The following PAQR3 variants were observed in gnomAD, a reference collection of about 807,000 sequenced individuals.
PAQR3 encodes the protein Raf kinase trapping to Golgi.
PAQR3 carries 39 observed loss-of-function variants against 41.7 expected under a neutral mutation model. That is an observed-to-expected ratio of 0.93 (90% CI 0.72 to 1.22). PAQR3 has a LOEUF of 1.22. PAQR3 is among the 50% of genes most tolerant of loss of function. The pLI, the probability that PAQR3 is intolerant of heterozygous loss-of-function variation, is 0.00. For synonymous variants in PAQR3, 140 were observed against 140.6 expected, an observed-to-expected ratio of 1.00 and a Z score of 0.03; for missense variants, 366 against 385.6, an observed-to-expected ratio of 0.95 and a Z score of 0.42.
In PAQR3 at chr4:78,911,891, C is replaced by T; in HGVS notation, c.*8648G>A. On this transcript the variant is annotated 3_prime_UTR_variant, in exon 6 of 6. Transcript: ENST00000512733. ...TCACTACATGGGTCATTCCATAGTG[C>T]AGATGTATTGAAAATGGATGATTTT... 1 of 1,613,964 alleles carries T rather than the reference C, an allele frequency of 6.2e-7. No individual in the cohort carries two copies. The highest frequency in any genetic ancestry group is 8.5e-7 in the Non-Finnish European group (1 of 1,179,884).
chr4:78,906,364 G>A (rs917195699), intron 10 of PAQR3, among the ~76,000 whole-genome samples: 3 of 151,706 alleles, frequency 2.0e-5, no homozygotes, highest in African/African-American at 7.3e-5. Flanking sequence ...TTATGTAGGG[G>A]GGCAAAATAA....
Position 78,919,978 on chromosome 4 carries a change from TAGGG to T in PAQR3, c.*557_*560del, listed in dbSNP as rs1735496796. 1 of 985,120 alleles carries T rather than the reference TAGGG, an allele frequency of 1.0e-6. No individual in the cohort carries two copies. Among genetic ancestry groups the T allele is most frequent in the Non-Finnish European group, 1.2e-6 (1 of 829,512 alleles). The allele number at this position is 985,120 out of a possible 1,614,324, so 61.0% of individuals were successfully genotyped here. ...GGAAAACTAAAATATCTAATGTTCT[TAGGG>T]AGAGAAGAACCTATAGCTAAAGGAT... On this transcript the variant is annotated 3_prime_UTR_variant, in exon 6 of 6. Transcript: ENST00000512733.
At position 78,922,115 on chromosome 4, in the gene PAQR3, TA is replaced by T. The variant is rs573957138; in HGVS notation, c.794-1435del. 136 of 1,036,382 alleles carry T rather than the reference TA, an allele frequency of 1.3e-4. 1 individual carries two copies. The South Asian group carries it at 2.6e-3, about 20-fold the overall frequency. The allele number at this position is 1,036,382 out of a possible 1,614,324, so 64.2% of individuals were successfully genotyped here. On this transcript the variant is annotated intron_variant, in intron 5 of 5. Transcript: ENST00000512733. ...ACAGAATTTTAAAAAGAATTATTAA[TA>T]AAGTGATACAAAAATATATTTTACC...
intron 3 of PAQR3, among the ~76,000 whole-genome samples, chr4:78,929,464 G>T (rs149163943): frequency 6.6e-6 from 1 of 152,196 alleles, no homozygotes; most frequent in South Asian, 2.1e-4. Context: ...GTTCTACTCC[G>T]TAAGGTTTGG....
chr4:78,916,889 C>G lies in PAQR3; in HGVS notation c.*3650G>C, dbSNP rs1025248141. On this transcript the variant is annotated 3_prime_UTR_variant, in exon 6 of 6. Coordinates refer to ENST00000512733, the MANE Select transcript of PAQR3 (RefSeq NM_001040202.2). ...CATCAAGGTTATAATATGTATTATT[C>G]CAAAAACTGGAGTCTTTGGTAGCCT... The G allele has an allele frequency of 6.6e-6, 1 of 150,578 alleles. No homozygotes were observed. The highest frequency in any genetic ancestry group is 1.5e-5 in the Non-Finnish European group (1 of 67,628). The allele number at this position is 150,578 out of a possible 1,614,324, so 9.3% of individuals were successfully genotyped here. A position where few individuals can be genotyped will look rare whatever the true frequency, so the allele number is the denominator to read the frequency against.
chr4:78,911,384 A>C, downstream of PAQR3: 1 of 1,614,006 alleles, frequency 6.2e-7, no homozygotes, highest in Non-Finnish European at 8.5e-7. Context: ...TCAACAAGTA[A>C]AAGTGAAAGC....
At chr4:78,931,185 TAAAAAAAA>T (rs1553925635) in intron 2 of PAQR3, among the ~76,000 whole-genome samples, 8 of 115,040 alleles carry the variant, frequency 7.0e-5, no homozygotes, top group Admixed American at 3.7e-4. Context: ...CCTCATTTCT[TAAAAAAAA>T]AAAAAAAAAA....
chr4:78,922,486 C>T, intron 5 of PAQR3: 1 of 1,212,764 alleles, frequency 8.2e-7, no homozygotes, highest in Non-Finnish European at 1.1e-6. Context: ...TGACTCATAG[C>T]TCTCCAAACT....
At chr4:78,933,490 A>G (rs1255746362) in intron 2 of PAQR3, among the ~76,000 whole-genome samples, 2 of 152,196 alleles carry the variant, frequency 1.3e-5, no homozygotes, top group Non-Finnish European at 2.9e-5. Context: ...ATTAATAAAT[A>G]TATCTATGGT....
At chr4:78,921,906 T>C (rs897186968) in intron 5 of PAQR3, 1 of 985,062 alleles carries the variant, frequency 1.0e-6, no homozygotes, top group Non-Finnish European at 1.2e-6. Flanking sequence ...ATAGGGCACA[T>C]TTTATGTCAA....
chr4:78,910,731 A>C (rs1049562145), downstream of PAQR3: 1 of 1,613,750 alleles, frequency 6.2e-7, no homozygotes, highest in Non-Finnish European at 8.5e-7. Context: ...AGAAAACCTC[A>C]GTACAGGGTC....
At chr4:78,909,055 CTTTTTT>C (rs1053664659), downstream of PAQR3, among the ~76,000 whole-genome samples, 4 of 94,394 alleles carry the variant, frequency 4.2e-5, no homozygotes, top group African/African-American at 1.8e-4. Context: ...TTCCCTTAGT[CTTTTTT>C]TTTTTTTTTT....
intron 11 of PAQR3, among the ~76,000 whole-genome samples, chr4:78,888,883 A>G (rs1338279725): frequency 6.6e-6 from 1 of 152,192 alleles, no homozygotes; most frequent in Non-Finnish European, 1.5e-5. Flanking sequence ...GACTATCTAT[A>G]AAAATTCATA....
chr4:78,934,316 T>C (rs1391538003), intron 2 of PAQR3, among the ~76,000 whole-genome samples: 1 of 152,242 alleles, frequency 6.6e-6, no homozygotes, highest in Non-Finnish European at 1.5e-5. Context: ...AAGCGACATT[T>C]GTGCAGCTGA....
chr4:78,891,313 A>C (rs1733424074), intron 11 of PAQR3, among the ~76,000 whole-genome samples: 1 of 151,838 alleles, frequency 6.6e-6, no homozygotes, highest in African/African-American at 2.4e-5. Flanking sequence ...TCCTTACCCC[A>C]CCATGGACAT....
At chr4:78,902,932 A>G (rs1734085969) in intron 11 of PAQR3, among the ~76,000 whole-genome samples, 1 of 152,076 alleles carries the variant, frequency 6.6e-6, no homozygotes, top group Non-Finnish European at 1.5e-5. Flanking sequence ...CTAGGATCTC[A>G]TTCTTTTTAT....
chr4:78,887,423 C>T (rs1733156121), intron 12 of PAQR3: 2 of 670,566 alleles, frequency 3.0e-6, no homozygotes, highest in Non-Finnish European at 5.2e-6. Context: ...AGCCATCCTA[C>T]TCTTCTTAAT....
intron 11 of PAQR3, among the ~76,000 whole-genome samples, chr4:78,899,363 G>A (rs1012241074): frequency 6.6e-6 from 1 of 152,176 alleles, no homozygotes; most frequent in African/African-American, 2.4e-5. Flanking sequence ...GGTAGGTCAA[G>A]AAAAGAGTTC....
rs1474995103 is a variant in PAQR3, at chr4:78,926,639, A to G, written c.584T>C (p.Leu195Pro). Reference sequence around the variant, plus strand: ...ACGGAGCCTTTGCCATTGCTGCGTGAGGTAATTGGGATGAATCTGCGCAAA... The same window carrying G: ...ACGGAGCCTTTGCCATTGCTGCGTGGGGTAATTGGGATGAATCTGCGCAAA... ...VFFAQIHPNY[L>P]TQQWQRLRSI... Residue 195 changes from leucine to proline, a missense_variant, in exon 4 of 6, where the codon CTC becomes CCC. Physicochemically the swap from Leu to Pro is moderately conservative, Grantham distance 98 (BLOSUM62 -3). Coordinates refer to ENST00000512733, the MANE Select transcript of PAQR3 (RefSeq NM_001040202.2). 6.8e-6 allele frequency: 11 copies of G among 1,614,034 alleles called. No individual in the cohort carries two copies. Among genetic ancestry groups the G allele is most frequent in the Non-Finnish European group, 9.3e-6 (11 of 1,179,910 alleles).
Sources: allele counts gnomAD v4.1 joint callset (sites outside exome capture counted in the v4.1 genomes callset), GRCh38; gene constraint gnomAD v4.1.1; transcripts MANE v1.5; gene names NCBI Gene and HGNC (gene_info 2026-07-23, HGNC 2026-07-21).